Variants in PDE4D observed in about 807,000 individuals in gnomAD.
The protein encoded by PDE4D is 3',5'-cyclic-AMP phosphodiesterase 4D.
In PDE4D, 24 loss-of-function variants were observed where a neutral mutation model predicts 87.4. The observed-to-expected ratio is 0.27, with a 90% CI of 0.20 to 0.39. The LOEUF is 0.39. Ranked by LOEUF, PDE4D falls within the 10% of genes least tolerant of loss-of-function variation. The pLI is 1.00. For missense variants in PDE4D, 714 were observed against 1,041.0 expected (o/e 0.69, Z 4.32); for synonymous variants, 384 against 383.2 (o/e 1.00, Z -0.02).
chr5:59,494,309 A>G (rs1806751923), intron 1 of PDE4D, among the ~76,000 whole-genome samples: 1 of 152,236 alleles, frequency 6.6e-6, no homozygotes. Context: ...AGGCATTGCC[A>G]TGTTAGTATA....
intron 1 of PDE4D, among the ~76,000 whole-genome samples, chr5:59,566,427 C>T (rs968742085): frequency 6.6e-6 from 1 of 152,106 alleles, no homozygotes; most frequent in Non-Finnish European, 1.5e-5. Context: ...ACTACTCATC[C>T]TCAGAGAAGA....
chr5:59,028,985 A>G (rs1242907076), intron 6 of PDE4D, among the ~76,000 whole-genome samples: 1 of 152,204 alleles, frequency 6.6e-6, no homozygotes, highest in Non-Finnish European at 1.5e-5. Flanking sequence ...CATGTATACC[A>G]TTACTTAAGA....
intron 1 of PDE4D, among the ~76,000 whole-genome samples, chr5:59,567,001 C>T (rs1561222904): frequency 6.6e-6 from 1 of 152,090 alleles, no homozygotes; most frequent in Non-Finnish European, 1.5e-5. Context: ...TGTTCTTGGG[C>T]TCTCCAATTT....
At chr5:60,182,920 C>T (rs1784489887) in intron 2 of PDE4D, among the ~76,000 whole-genome samples, 1 of 151,664 alleles carries the variant, frequency 6.6e-6, no homozygotes. Flanking sequence ...CTCTTATGGA[C>T]CAAATGTTTG....
chr5:59,915,106 T>C (rs766348977), intron 3 of PDE4D, among the ~76,000 whole-genome samples: 10 of 152,144 alleles, frequency 6.6e-5, no homozygotes, highest in Non-Finnish European at 1.5e-4. Context: ...TACAAAAACA[T>C]AGTGTACTTG....
At chr5:59,792,391 G>C (rs1230173009) in intron 1 of PDE4D, among the ~76,000 whole-genome samples, 1 of 123,464 alleles carries the variant, frequency 8.1e-6, no homozygotes, top group Non-Finnish European at 1.6e-5. Flanking sequence ...CAACTTTGAG[G>C]CTCCAAGAAG....
intron 3 of PDE4D, among the ~76,000 whole-genome samples, chr5:59,975,440 G>C (rs1232088364): frequency 6.6e-6 from 1 of 152,168 alleles, no homozygotes; most frequent in Non-Finnish European, 1.5e-5. Context: ...TCACCTGTTT[G>C]ACATCATAGA....
intron 1 of PDE4D, among the ~76,000 whole-genome samples, chr5:59,466,499 G>A (rs1160687665): frequency 1.3e-5 from 2 of 152,256 alleles, no homozygotes; most frequent in East Asian, 3.9e-4. Context: ...GAATGCTCCT[G>A]CTGACGAGAA....
At chr5:59,186,582 T>A (rs187619842) in intron 3 of PDE4D, among the ~76,000 whole-genome samples, 238 of 152,294 alleles carry the variant, frequency 1.6e-3, no homozygotes, top group African/African-American at 5.3e-3. Flanking sequence ...TCAGTCTAAT[T>A]TTTTTTCTAA....
At chr5:59,319,158 A>ATATGTGTG (rs1301646458) in intron 1 of PDE4D, among the ~76,000 whole-genome samples, 1 of 121,584 alleles carries the variant, frequency 8.2e-6, no homozygotes, top group Non-Finnish European at 1.7e-5. Context: ...GAGTACATAT[A>ATATGTGTG]TATGTGTGTG....
At chr5:60,237,593 G>A (rs975713369) in intron 1 of PDE4D, among the ~76,000 whole-genome samples, 7 of 152,094 alleles carry the variant, frequency 4.6e-5, no homozygotes, top group African/African-American at 1.4e-4. Context: ...AACATATTAG[G>A]TGGTTACCAG....
intron 1 of PDE4D, among the ~76,000 whole-genome samples, chr5:60,305,932 TA>T (rs967235526): frequency 2.6e-5 from 4 of 151,918 alleles, no homozygotes; most frequent in African/African-American, 9.7e-5. Flanking sequence ...GCTGGAAAAT[TA>T]AAAGGTCCAT....
chr5:59,464,962 G>T (rs1039607845), intron 1 of PDE4D, among the ~76,000 whole-genome samples: 1 of 152,174 alleles, frequency 6.6e-6, no homozygotes, highest in African/African-American at 2.4e-5. Flanking sequence ...AGCCAACCTG[G>T]TTAGCAGGAT....
intron 3 of PDE4D, among the ~76,000 whole-genome samples, chr5:59,186,912 G>A (rs1273574834): frequency 1.3e-5 from 2 of 152,080 alleles, no homozygotes; most frequent in South Asian, 2.1e-4. Context: ...GAAGTAAATC[G>A]GATAAATGAT....
At chr5:59,925,224 A>C (rs1195521094) in intron 3 of PDE4D, among the ~76,000 whole-genome samples, 1 of 151,774 alleles carries the variant, frequency 6.6e-6, no homozygotes, top group African/African-American at 2.4e-5. Context: ...AGGAGGACAA[A>C]GTAAAAGTGT....
intron 1 of PDE4D, among the ~76,000 whole-genome samples, chr5:59,599,381 C>G (rs1827169951): frequency 6.6e-6 from 1 of 151,170 alleles, no homozygotes; most frequent in Non-Finnish European, 1.5e-5. Flanking sequence ...CCACCACACC[C>G]AGCTATTTTT....
At chr5:60,091,954 G>C (rs1189076949) in intron 2 of PDE4D, among the ~76,000 whole-genome samples, 1 of 150,152 alleles carries the variant, frequency 6.7e-6, no homozygotes, top group Non-Finnish European at 1.5e-5. Context: ...GGGAGGCTGA[G>C]GCAGGAGAAT....
At chr5:60,024,700 CAG>C (rs760398901) in intron 2 of PDE4D, among the ~76,000 whole-genome samples, 1 of 152,086 alleles carries the variant, frequency 6.6e-6, no homozygotes, top group African/African-American at 2.4e-5. Flanking sequence ...TCATTTAAAA[CAG>C]AGGTTTTTAA....
chr5:59,305,522 T>C (rs1158128735), intron 1 of PDE4D, among the ~76,000 whole-genome samples: 1 of 152,138 alleles, frequency 6.6e-6, no homozygotes, highest in Non-Finnish European at 1.5e-5. Flanking sequence ...TCAGTCTTTT[T>C]GATGTAGGCA....
Sources: allele counts gnomAD v4.1 joint callset (sites outside exome capture counted in the v4.1 genomes callset), GRCh38; gene constraint gnomAD v4.1.1; transcripts MANE v1.5; gene names NCBI Gene and HGNC (gene_info 2026-07-23, HGNC 2026-07-21).